The following SORT1 variants were observed in gnomAD, a reference collection of about 807,000 sequenced individuals.
The protein encoded by SORT1 is sortilin.
SORT1 carries 39 observed loss-of-function variants against 101.7 expected under a neutral mutation model. The ratio of observed to expected loss-of-function variants is 0.38; its 90% CI spans 0.30 to 0.50. The LOEUF (loss-of-function observed/expected upper bound fraction) is 0.50. SORT1 is among the 20% of genes least tolerant of loss of function. SORT1 has a pLI of 0.90. For missense variants in SORT1, 878 were observed against 1,040.4 expected (o/e 0.84, Z 2.15); for synonymous variants, 396 against 393.7 (o/e 1.01, Z -0.07).
intron 13 of SORT1, among the ~76,000 whole-genome samples, chr1:109,325,906 C>T (rs528034760): frequency 3.5e-4 from 53 of 152,110 alleles, no homozygotes; most frequent in African/African-American, 1.2e-3. Context: ...GTGACTGAGA[C>T]GCAAGAATCA....
Position 109,310,080 on chromosome 1 carries a change from G to T in SORT1, c.*3963C>A, listed in dbSNP as rs1658629797. 6.6e-6 allele frequency: 1 copy of T among 152,580 alleles called. No homozygotes were observed. The highest frequency in any genetic ancestry group is 2.1e-4 in the South Asian group (1 of 4,822). 9.5% of individuals were successfully genotyped at this position (152,580 alleles called of 1,614,324 possible). Reference sequence around the variant, plus strand: ...GTCAGTCACCCGCTTGTGGCTGAGGGCATGCGGAGGATGAGAACTACATTA... The same window carrying T: ...GTCAGTCACCCGCTTGTGGCTGAGGTCATGCGGAGGATGAGAACTACATTA... On this transcript the variant is annotated 3_prime_UTR_variant, in exon 20 of 20. Transcript: ENST00000256637.
At chr1:109,376,346 A>G (rs1313860052) in intron 1 of SORT1, among the ~76,000 whole-genome samples, 1 of 151,652 alleles carries the variant, frequency 6.6e-6, no homozygotes, top group South Asian at 2.1e-4. Context: ...AAAAAAAAAA[A>G]AAAGGAACTT....
chr1:109,391,848 A>G (rs1173882807), intron 1 of SORT1, among the ~76,000 whole-genome samples: 1 of 152,234 alleles, frequency 6.6e-6, no homozygotes, highest in East Asian at 1.9e-4. Flanking sequence ...GAGACCACAT[A>G]GTGGGAAGAA....
Position 109,310,182 on chromosome 1 carries a change from T to C in SORT1, c.*3861A>G, listed in dbSNP as rs981394345. The C allele has an allele frequency of 6.6e-6, 1 of 152,622 alleles. No homozygotes were observed. The highest frequency in any genetic ancestry group is 1.5e-5 in the Non-Finnish European group (1 of 68,040). 9.5% of individuals were successfully genotyped at this position (152,622 alleles called of 1,614,324 possible). Reference sequence around the variant, plus strand: ...ATATGTATATATGTACACACACATATATATAAAGGTACAGATTAGTTTATG... The same window carrying C: ...ATATGTATATATGTACACACACATACATATAAAGGTACAGATTAGTTTATG... On this transcript the variant is annotated 3_prime_UTR_variant, in exon 20 of 20. Coordinates refer to ENST00000256637, the MANE Select transcript of SORT1 (RefSeq NM_002959.7).
chr1:109,327,421 C>T (rs751059933), intron 12 of SORT1, 78 bp downstream of exon 12: 2 of 870,640 alleles, frequency 2.3e-6, no homozygotes, highest in Non-Finnish European at 3.6e-6. Context: ...CTTCTCAGAG[C>T]GTTCAAAGCC....
intron 9 of SORT1, 25 bp from the exon 10 acceptor site, chr1:109,340,904 T>C (rs1326203987): frequency 3.1e-6 from 5 of 1,591,836 alleles, no homozygotes; most frequent in East Asian, 2.2e-5. Context: ...CAAACAAAAA[T>C]ACTAAGTCTT....
Position 109,311,900 on chromosome 1 carries a change from G to C in SORT1, c.*2143C>G, listed in dbSNP as rs1012330184. On this transcript the variant is annotated 3_prime_UTR_variant, in exon 20 of 20. Coordinates refer to ENST00000256637, the MANE Select transcript of SORT1 (RefSeq NM_002959.7). ...AGCCAGCACTGCTTATCACACACAC[G>C]GGGACCCTGAACAACTGACTCCATC... is the stretch of plus-strand genomic sequence containing the variant. 1 of 152,624 alleles carries C rather than the reference G, an allele frequency of 6.6e-6. No homozygotes were observed. The highest frequency in any genetic ancestry group is 2.4e-5 in the African/African-American group (1 of 41,428). The allele number at this position is 152,624 out of a possible 1,614,324, so 9.5% of individuals were successfully genotyped here.
intron 4 of SORT1, among the ~76,000 whole-genome samples, chr1:109,354,759 T>C (rs1029394018): frequency 6.6e-6 from 1 of 152,170 alleles, no homozygotes; most frequent in Non-Finnish European, 1.5e-5. Flanking sequence ...TAAGCCTAGA[T>C]TAGGCTAACT....
rs772138876 is a variant in SORT1, at chr1:109,377,605, A to T, written c.307-8016T>A. Among the ~76,000 whole-genome samples, 80 of 152,316 alleles carry T rather than the reference A, an allele frequency of 5.3e-4. No homozygotes were observed. In the Middle Eastern group the frequency reaches 0.014, roughly 26 times the overall value. ...TCCCATTGTAGTTACCATTAACTTCACGTAGCTAAACATTGGTAAAGATGC... is the reference window on the plus strand; with the variant it reads ...TCCCATTGTAGTTACCATTAACTTCTCGTAGCTAAACATTGGTAAAGATGC... On this transcript the variant is annotated intron_variant, in intron 1 of 19. Coordinates refer to ENST00000256637, the MANE Select transcript of SORT1 (RefSeq NM_002959.7).
At position 109,313,120 on chromosome 1, in the gene SORT1, C is replaced by T. The variant is rs1167427937; in HGVS notation, c.*923G>A. 6.6e-6 allele frequency: 1 copy of T among 152,196 alleles called. No individual in the cohort carries two copies. The highest frequency in any genetic ancestry group is 1.5e-5 in the Non-Finnish European group (1 of 68,038). The allele number at this position is 152,196 out of a possible 1,614,324, so 9.4% of individuals were successfully genotyped here. The stretch of plus-strand genomic sequence containing the variant: ...CTGTGAGGTTCCGTCTTCGGGGGTT[C>T]ACACTGTGTACCCGACAATCAACTC... On this transcript the variant is annotated 3_prime_UTR_variant, in exon 20 of 20. Coordinates refer to ENST00000256637, the MANE Select transcript of SORT1 (RefSeq NM_002959.7).
chr1:109,395,304 T>C (rs187103127), intron 1 of SORT1, among the ~76,000 whole-genome samples: 87 of 136,422 alleles, frequency 6.4e-4, no homozygotes, highest in Admixed American at 5.4e-3. Context: ...CGCTGCAACC[T>C]CTGCCTCCTG....
At chr1:109,362,078 G>A (rs72981183) in intron 3 of SORT1, among the ~76,000 whole-genome samples, 3,599 of 152,212 alleles carry the variant, frequency 0.024, 150 homozygotes, top group African/African-American at 0.082. Flanking sequence ...GCCTCATGGA[G>A]GAAATACGAG....
chr1:109,367,069 T>C (rs899112400), intron 3 of SORT1: 2 of 182,046 alleles, frequency 1.1e-5, no homozygotes, highest in African/African-American at 4.7e-5. Context: ...CTACAAAAAA[T>C]ACAAAAAATT....
At chr1:109,378,231 G>A (rs766984321) in intron 1 of SORT1, among the ~76,000 whole-genome samples, 3 of 151,556 alleles carry the variant, frequency 2.0e-5, no homozygotes, top group South Asian at 2.1e-4. Flanking sequence ...AGAGAGACCC[G>A]GTCTATATTT....
At chr1:109,347,422 C>T in intron 7 of SORT1, 61 bp downstream of exon 7, 1 of 1,203,112 alleles carries the variant, frequency 8.3e-7, no homozygotes, top group South Asian at 1.2e-5. Flanking sequence ...TTGCACAACC[C>T]AGAAAATTCT....
chr1:109,378,721 T>C (rs1483168314), intron 1 of SORT1, among the ~76,000 whole-genome samples: 4 of 45,770 alleles, frequency 8.7e-5, no homozygotes, highest in African/African-American at 2.7e-4. Flanking sequence ...TATATATATA[T>C]ATATATATAT....
At chr1:109,363,439 ATG>A (rs1650873292) in intron 3 of SORT1, among the ~76,000 whole-genome samples, 2 of 152,294 alleles carry the variant, frequency 1.3e-5, no homozygotes, top group Admixed American at 1.3e-4. Context: ...AAATATGCAT[ATG>A]TGTGTGTATG....
intron 13 of SORT1, among the ~76,000 whole-genome samples, chr1:109,326,220 C>CT (rs762161455): frequency 7.2e-4 from 97 of 135,208 alleles, no homozygotes; most frequent in Non-Finnish European, 9.2e-4. Context: ...GCTAATTTTT[C>CT]TTTTTTTTTT....
At chr1:109,396,776 GATTAA>G (rs1653199780) in intron 1 of SORT1, among the ~76,000 whole-genome samples, 1 of 152,228 alleles carries the variant, frequency 6.6e-6, no homozygotes, top group African/African-American at 2.4e-5. Flanking sequence ...GGCTAGCAAG[GATTAA>G]ATTGTTAATT....
Sources: allele counts gnomAD v4.1 joint callset (sites outside exome capture counted in the v4.1 genomes callset), GRCh38; gene constraint gnomAD v4.1.1; transcripts MANE v1.5; gene names NCBI Gene and HGNC (gene_info 2026-07-23, HGNC 2026-07-21).